Variants in COL4A4 observed in about 807,000 individuals in gnomAD.
COL4A4 encodes the protein collagen alpha-4(IV) chain.
Under a neutral mutation model 192.9 loss-of-function variants are expected in COL4A4, and 105 were observed. The ratio of observed to expected loss-of-function variants is 0.54; its 90% CI spans 0.46 to 0.64. COL4A4 has a LOEUF of 0.64. Ranked by LOEUF, COL4A4 falls within the 30% of genes least tolerant of loss-of-function variation. The pLI is 0.00. For synonymous variants in COL4A4, 762 were observed against 769.9 expected (o/e 0.99, Z 0.17); for missense variants, 1,967 against 2,169.3 (o/e 0.91, Z 1.85).
At position 227,120,938 on chromosome 2, in the gene COL4A4, A is replaced by AAAAAAC. The variant is rs2061744958; in HGVS notation, c.327+70_327+75dup. 2.7e-5 allele frequency: 43 copies of AAAAAAC among 1,601,396 alleles called. No homozygotes were observed. In the South Asian group the frequency reaches 4.5e-4, roughly 17 times the overall value. On this transcript the variant is annotated intron_variant, in intron 5 of 47. Transcript: ENST00000396625. ...TGAGTGACAGAGTAAGACTGTCTAA[A>AAAAAAC]AAAAACAAAAACAAAAAATGGTGCA...
chr2:227,065,134 C>A (rs1449312561), intron 25 of COL4A4, among the ~76,000 whole-genome samples: 1 of 152,144 alleles, frequency 6.6e-6, no homozygotes, highest in African/African-American at 2.4e-5. Flanking sequence ...ACAGAGGGCA[C>A]CTGGAAAATC....
chr2:227,007,867 A>T (rs1216064913), intron 47 of COL4A4, 151 bp downstream of exon 47: 7 of 978,458 alleles, frequency 7.2e-6, no homozygotes, highest in Non-Finnish European at 1.1e-5. Context: ...ATGGCCCTGC[A>T]TCCCAACAGG....
At chr2:227,041,705 AAGGAAGGAAGGGAGGAG>A (rs1324708650) in intron 37 of COL4A4, among the ~76,000 whole-genome samples, 7 of 130,844 alleles carry the variant, frequency 5.3e-5, no homozygotes, top group African/African-American at 9.9e-5. Flanking sequence ...AGAGAGAGAG[AAGGAAGGAAGGGAGGAG>A]GAAGGAAGGA....
At chr2:227,121,231 C>T (rs573862065) in intron 4 of COL4A4, 83 bp from the exon 5 acceptor site, 1 of 1,464,448 alleles carries the variant, frequency 6.8e-7, no homozygotes, top group African/African-American at 1.4e-5. Context: ...TTCAGGCCTA[C>T]AGAAGACTTG....
chr2:227,102,732 A>C lies in COL4A4; in HGVS notation c.930+57T>G. Reference sequence around the variant, plus strand: ...TGGGACTACTGACCTGGTTTTATAAAAACATGAAAGAGAAATATCTCCAAA... The same window carrying C: ...TGGGACTACTGACCTGGTTTTATAACAACATGAAAGAGAAATATCTCCAAA... On this transcript the variant is annotated intron_variant, in intron 15 of 47. Transcript: ENST00000396625. 5 of 1,486,960 alleles carry C rather than the reference A, an allele frequency of 3.4e-6. No homozygotes were observed. In the South Asian group the frequency reaches 5.6e-5, roughly 17 times the overall value. The allele number at this position is 1,486,960 out of a possible 1,614,324, so 92.1% of individuals were successfully genotyped here. A position where few individuals can be genotyped will look rare whatever the true frequency, so the allele number is the denominator to read the frequency against.
At chr2:227,093,904 A>G (rs571545853) in intron 20 of COL4A4, among the ~76,000 whole-genome samples, 1 of 152,188 alleles carries the variant, frequency 6.6e-6, no homozygotes, top group Non-Finnish European at 1.5e-5. Context: ...TTATTTTACC[A>G]AGTTCTATCA....
chr2:227,015,522 C>T (rs1317761396), intron 44 of COL4A4, among the ~76,000 whole-genome samples: 1 of 152,118 alleles, frequency 6.6e-6, no homozygotes, highest in South Asian at 2.1e-4. Context: ...TGTGACGCCC[C>T]CTCCCTACCC....
intron 7 of COL4A4, among the ~76,000 whole-genome samples, chr2:227,117,039 C>A (rs1004176303): frequency 2.6e-5 from 4 of 152,220 alleles, no homozygotes; most frequent in Admixed American, 2.0e-4. Flanking sequence ...ATATAACTGG[C>A]AAAGTTTCTA....
At chr2:227,008,438 G>C in intron 46 of COL4A4, 134 bp from the exon 47 acceptor site, 1 of 1,022,444 alleles carries the variant, frequency 9.8e-7, no homozygotes, top group Admixed American at 2.0e-5. Context: ...CTGCTTCTGT[G>C]GTGAGGAAGC....
the COL4A4 span, among the ~76,000 whole-genome samples, chr2:226,987,763 C>T: frequency 3.3e-5 from 5 of 152,198 alleles, no homozygotes; most frequent in African/African-American, 9.6e-5. Context: ...CAGCATTTCT[C>T]AGTGACTTGA....
chr2:227,051,074 C>G lies in COL4A4; in HGVS notation c.3053G>C (p.Gly1018Ala), dbSNP rs1259742546. The stretch of plus-strand genomic sequence containing the variant: ...AGGAGGCCCTGGCTGACCTTTCTCA[C>G]CAGGTTCCCCTCTGTGAAATCCAGG... ...GPPGFHRGEP[G>A]EKGQPGPPGP... Residue 1018 changes from glycine (G) to alanine (A), a missense_variant, in exon 33 of 48, where the codon GGT becomes GCT. Transcript: ENST00000396625. The G allele has an allele frequency of 6.2e-7, 1 of 1,614,196 alleles. No homozygotes were observed. The highest frequency in any genetic ancestry group is 2.2e-5 in the East Asian group (1 of 44,878).
intron 31 of COL4A4, 50 bp from the exon 32 acceptor site, chr2:227,052,462 A>G (rs200439670): frequency 1.1e-4 from 123 of 1,085,542 alleles, no homozygotes; most frequent in Admixed American, 8.6e-4. Context: ...CATCACACAC[A>G]TAATTTATCC....
intron 20 of COL4A4, among the ~76,000 whole-genome samples, chr2:227,092,837 G>A (rs1576449255): frequency 6.6e-6 from 1 of 152,048 alleles, no homozygotes; most frequent in East Asian, 1.9e-4. Context: ...GTGAGGGGTT[G>A]GTGAAAGAAA....
chr2:227,132,222 T>A (rs2062522503), intron 4 of COL4A4, among the ~76,000 whole-genome samples: 1 of 152,136 alleles, frequency 6.6e-6, no homozygotes, highest in Non-Finnish European at 1.5e-5. Context: ...CAAGGATTTT[T>A]GTCTCATCTT....
intron 2 of COL4A4, among the ~76,000 whole-genome samples, chr2:227,146,872 A>G (rs955710439): frequency 6.6e-6 from 1 of 152,138 alleles, no homozygotes; most frequent in African/African-American, 2.4e-5. Flanking sequence ...ACTTCCAAGG[A>G]TGCTTGTCAT....
rs536970553 is a variant in COL4A4, at chr2:227,104,893, G to A, written c.736-841C>T. Reference sequence around the variant, plus strand: ...GGACCTCAGGTGATCCGCCCGCCTCGGCCTCCCAAAGTGCTGGGATTACAA... The same window carrying A: ...GGACCTCAGGTGATCCGCCCGCCTCAGCCTCCCAAAGTGCTGGGATTACAA... On this transcript the variant is annotated intron_variant, in intron 12 of 47. Coordinates refer to ENST00000396625, the MANE Select transcript of COL4A4 (RefSeq NM_000092.5). Among the ~76,000 whole-genome samples the A allele has an allele frequency of 1.8e-4, 27 of 149,844 alleles. No homozygotes were observed. In the South Asian group the frequency reaches 4.2e-3, roughly 24 times the overall value.
chr2:227,091,851 G>T (rs949931738), intron 20 of COL4A4, among the ~76,000 whole-genome samples: 1 of 151,606 alleles, frequency 6.6e-6, no homozygotes, highest in African/African-American at 2.4e-5. Context: ...AACCAAGATT[G>T]CATCACTGCA....
At chr2:227,157,987 A>G (rs2064489572) in intron 1 of COL4A4, among the ~76,000 whole-genome samples, 2 of 152,140 alleles carry the variant, frequency 1.3e-5, no homozygotes, top group Non-Finnish European at 1.5e-5. Context: ...TGTGAATATA[A>G]ACATGACTCT....
At chr2:227,130,690 CCTTT>C (rs1227602020) in intron 4 of COL4A4, among the ~76,000 whole-genome samples, 1 of 152,340 alleles carries the variant, frequency 6.6e-6, no homozygotes, top group African/African-American at 2.4e-5. Flanking sequence ...CTAACCCAGA[CCTTT>C]CTTTCTGAGT....
Sources: gnomAD v4.1 joint callset for allele counts (sites outside exome capture counted in the v4.1 genomes callset) on GRCh38, gnomAD v4.1.1 for gene constraint, MANE v1.5 for transcripts, NCBI Gene and HGNC (gene_info 2026-07-23, HGNC 2026-07-21) for gene names.